The following ST6GALNAC3 variants were observed in gnomAD, a reference collection of about 807,000 sequenced individuals.
ST6GALNAC3 encodes the protein alpha-N-acetylgalactosaminide alpha-2,6-sialyltransferase 3.
A neutral mutation model predicts 32.7 loss-of-function variants in ST6GALNAC3; 25 were observed. The ratio of observed to expected loss-of-function variants is 0.76; its 90% CI spans 0.56 to 1.07. The LOEUF (loss-of-function observed/expected upper bound fraction) is 1.07. ST6GALNAC3 is among the 50% of genes least tolerant of loss of function. The pLI, the probability that ST6GALNAC3 is intolerant of heterozygous loss-of-function variation, is 0.00. For synonymous variants in ST6GALNAC3, 129 were observed against 133.1 expected (o/e 0.97, Z 0.21); for missense variants, 355 against 382.4 (o/e 0.93, Z 0.60).
intron 3 of ST6GALNAC3, among the ~76,000 whole-genome samples, chr1:76,601,052 G>C (rs951794797): frequency 6.6e-6 from 1 of 151,996 alleles, no homozygotes; most frequent in Non-Finnish European, 1.5e-5. Context: ...ACAAAAATTA[G>C]CCAGGCATGG....
intron 1 of ST6GALNAC3, among the ~76,000 whole-genome samples, chr1:76,088,038 T>G (rs1300893111): frequency 1.3e-5 from 2 of 152,222 alleles, no homozygotes; most frequent in East Asian, 3.8e-4. Context: ...ATATTATTTG[T>G]ATAATTGTTA....
At chr1:76,423,857 TG>T (rs1655192630) in intron 3 of ST6GALNAC3, among the ~76,000 whole-genome samples, 1 of 151,962 alleles carries the variant, frequency 6.6e-6, no homozygotes, top group South Asian at 2.1e-4. Flanking sequence ...GGGATATAGT[TG>T]GGAGCTTTTG....
At chr1:76,127,998 A>T (rs1649366399) in intron 1 of ST6GALNAC3, among the ~76,000 whole-genome samples, 1 of 151,906 alleles carries the variant, frequency 6.6e-6, no homozygotes, top group South Asian at 2.1e-4. Flanking sequence ...AGTTATTCCT[A>T]CCTGAGATTA....
chr1:76,535,817 T>A (rs1663558067), intron 3 of ST6GALNAC3, among the ~76,000 whole-genome samples: 1 of 152,138 alleles, frequency 6.6e-6, no homozygotes, highest in East Asian at 1.9e-4. Context: ...TAAGGCTATT[T>A]TTTTTTTCTC....
intron 3 of ST6GALNAC3, among the ~76,000 whole-genome samples, chr1:76,493,113 T>G (rs1571407941): frequency 6.6e-6 from 1 of 151,578 alleles, no homozygotes; most frequent in Non-Finnish European, 1.5e-5. Flanking sequence ...CAATTTCAGA[T>G]TTTTTGTTCA....
At chr1:76,176,526 G>A (rs556797337) in intron 1 of ST6GALNAC3, among the ~76,000 whole-genome samples, 4 of 152,204 alleles carry the variant, frequency 2.6e-5, no homozygotes, top group Non-Finnish European at 4.4e-5. Context: ...AAAGACATCT[G>A]TGACGTTCAG....
At chr1:76,111,711 C>A (rs1647957888) in intron 1 of ST6GALNAC3, among the ~76,000 whole-genome samples, 1 of 149,734 alleles carries the variant, frequency 6.7e-6, no homozygotes, top group Non-Finnish European at 1.5e-5. Context: ...TCCATTCAAC[C>A]CTGAGTGGAC....
intron 1 of ST6GALNAC3, among the ~76,000 whole-genome samples, chr1:76,289,272 C>T (rs9437407): frequency 0.13 from 19,179 of 152,126 alleles, 1,791 homozygotes; most frequent in East Asian, 0.27. Context: ...CACATTTTCT[C>T]TGAGAGGTAG....
intron 3 of ST6GALNAC3, chr1:76,412,874 T>G: frequency 4.4e-6 from 1 of 226,296 alleles, no homozygotes; most frequent in South Asian, 5.6e-5. Context: ...ATTGTGTAGC[T>G]TCTTGCATGC....
At chr1:76,309,929 T>C (rs1404952966) in intron 1 of ST6GALNAC3, 1 of 472,788 alleles carries the variant, frequency 2.1e-6, no homozygotes, top group African/African-American at 2.0e-5. Flanking sequence ...TATTTCATCC[T>C]GTTTTGAAAT....
At chr1:76,153,562 C>A (rs1651192351) in intron 1 of ST6GALNAC3, among the ~76,000 whole-genome samples, 1 of 152,132 alleles carries the variant, frequency 6.6e-6, no homozygotes, top group African/African-American at 2.4e-5. Flanking sequence ...CATGGCTATT[C>A]CTTGTTCACT....
At chr1:76,381,547 C>T (rs1410234376) in intron 2 of ST6GALNAC3, among the ~76,000 whole-genome samples, 2 of 152,024 alleles carry the variant, frequency 1.3e-5, no homozygotes. Context: ...CTCTCAGGCT[C>T]ACCCTCCCAC....
At chr1:76,490,999 C>T (rs1318381073) in intron 3 of ST6GALNAC3, among the ~76,000 whole-genome samples, 4 of 151,912 alleles carry the variant, frequency 2.6e-5, no homozygotes, top group East Asian at 1.9e-4. Context: ...GCTGGGATTA[C>T]GGACATGCGC....
intron 2 of ST6GALNAC3, among the ~76,000 whole-genome samples, chr1:76,392,917 A>C (rs1266186431): frequency 6.6e-6 from 1 of 152,160 alleles, no homozygotes; most frequent in Non-Finnish European, 1.5e-5. Flanking sequence ...TTCAATTTCT[A>C]GATAATGGTC....
chr1:76,214,359 G>A (rs1655338743), intron 1 of ST6GALNAC3, among the ~76,000 whole-genome samples: 1 of 151,970 alleles, frequency 6.6e-6, no homozygotes, highest in Non-Finnish European at 1.5e-5. Context: ...CAATACAATT[G>A]CCAAATTTCT....
chr1:76,313,687 AT>A (rs750789205), intron 1 of ST6GALNAC3, 117 bp from the exon 2 acceptor site: 2 of 1,079,896 alleles, frequency 1.9e-6, no homozygotes, highest in African/African-American at 3.1e-5. Flanking sequence ...AATATGCTGA[AT>A]GACAGAATCC....
intron 1 of ST6GALNAC3, among the ~76,000 whole-genome samples, chr1:76,119,609 GATTTT>G (rs1490267263): frequency 6.6e-6 from 1 of 152,162 alleles, no homozygotes; most frequent in Admixed American, 6.5e-5. Context: ...GGGGAGGAGG[GATTTT>G]ATTTACTCTA....
chr1:76,135,080 T>C (rs6683724), intron 1 of ST6GALNAC3, among the ~76,000 whole-genome samples: 36,425 of 151,736 alleles, frequency 0.24, 5,946 homozygotes, highest in East Asian at 0.78. Context: ...AGGCAAAGGT[T>C]GCAGTGAGCC....
intron 3 of ST6GALNAC3, among the ~76,000 whole-genome samples, chr1:76,500,191 A>G (rs1459224813): frequency 6.6e-6 from 1 of 152,200 alleles, no homozygotes; most frequent in East Asian, 1.9e-4. Flanking sequence ...AAATATTTCT[A>G]CTTTTTGCAT....
Sources: allele counts gnomAD v4.1 joint callset (sites outside exome capture counted in the v4.1 genomes callset), GRCh38; gene constraint gnomAD v4.1.1; transcripts MANE v1.5; gene names NCBI Gene and HGNC (gene_info 2026-07-23, HGNC 2026-07-21).